Variants in SCART1 observed in about 807,000 individuals in gnomAD.
The protein encoded by SCART1 is scavenger receptor family member expressed on T cells 1.
In SCART1, 62 loss-of-function variants were observed where a neutral mutation model predicts 36.2. The ratio of observed to expected loss-of-function variants is 1.71; its 90% CI spans 1.40 to 2.12. The LOEUF is 2.12. SCART1 is among the 30% of genes most tolerant of loss of function. The probability of loss-of-function intolerance (pLI) is 0.00; values close to 1 mark genes in which losing one functional copy is unlikely to be tolerated. For synonymous variants in SCART1, 487 were observed against 238.7 expected (o/e 2.04, Z -9.59); for missense variants, 1,041 against 540.5 (o/e 1.93, Z -9.18).
chr10:133,456,425 G>C lies in SCART1; in HGVS notation c.256G>C (p.Glu86Gln), dbSNP rs1218279314. ...CCCCAAGTATGTCCCGCTGCCTGGA[G>C]AGATGGCCCAGCCCTGGCTTCACAA... is the stretch of plus-strand genomic sequence containing the variant. Residue 86 changes from glutamate (E) to glutamine (Q), a missense_variant, in exon 2 of 12, where the codon GAG becomes CAG. Glu to Gln is a conservative substitution (Grantham distance 29, BLOSUM62 2). Transcript: ENST00000640237. 5 of 702,752 alleles carry C rather than the reference G, an allele frequency of 7.1e-6. No individual in the cohort carries two copies. In the African/African-American group the frequency reaches 8.7e-5, roughly 12 times the overall value. The allele number at this position is 702,752 out of a possible 1,614,324, so 43.5% of individuals were successfully genotyped here.
At chr10:133,465,055 G>C (rs112831266) in intron 7 of SCART1, 51 bp from the exon 8 acceptor site, 41 of 702,358 alleles carry the variant, frequency 5.8e-5, no homozygotes, top group African/African-American at 5.6e-4. Context: ...AGCCTTCCTT[G>C]TGAAGCTTCT....
rs369857020 is a variant in SCART1, at chr10:133,467,761, G to A, written c.2963-86G>A. On this transcript the variant is annotated intron_variant, in intron 11 of 11. Coordinates refer to ENST00000640237, the Ensembl canonical transcript of SCART1. ...TGCTTTCTGGTTGACATGTTTATGC[G>A]TTCCTGTCTTACGGGCTTTGCCAAA... 4.0e-5 allele frequency: 23 copies of A among 571,718 alleles called. No individual in the cohort carries two copies. In the East Asian group the frequency reaches 4.3e-4, roughly 11 times the overall value. 35.4% of individuals were successfully genotyped at this position (571,718 alleles called of 1,614,324 possible). A position where few individuals can be genotyped will look rare whatever the true frequency, so the allele number is the denominator to read the frequency against.
At chr10:133,458,444 C>G (rs1163280357) in exon 4 of SCART1, 6 of 698,688 alleles carry the variant, frequency 8.6e-6, no homozygotes, top group Admixed American at 2.0e-5. Context: ...TGTGATGCGG[C>G]CCTGGACCTG....
chr10:133,456,269 C>A (rs1850609324), exon 2 of SCART1: 1 of 702,716 alleles, frequency 1.4e-6, no homozygotes, highest in South Asian at 1.5e-5. Context: ...GGCGTACAGA[C>A]ACAGCACGTG....
exon 11 of SCART1, chr10:133,467,295 G>A: frequency 1.4e-6 from 1 of 703,070 alleles, no homozygotes; most frequent in Non-Finnish European, 2.6e-6. Context: ...TGGAGGCCGA[G>A]GCTGTGCTCC....
intron 1 of SCART1, among the ~76,000 whole-genome samples, chr10:133,455,187 A>G (rs970010303): frequency 1.3e-5 from 2 of 152,194 alleles, no homozygotes; most frequent in Non-Finnish European, 2.9e-5. Context: ...GAATCAGTTC[A>G]ACCCTGGAGG....
intron 10 of SCART1, chr10:133,466,961 A>G (rs529452340): frequency 6.0e-5 from 26 of 435,312 alleles, no homozygotes; most frequent in African/African-American, 4.6e-4. Flanking sequence ...AGGTTCCCCC[A>G]GGCAGCACAT....
chr10:133,457,421 C>T (rs1253645323), exon 3 of SCART1: 8 of 702,030 alleles, frequency 1.1e-5, no homozygotes, highest in Admixed American at 4.0e-5. Context: ...AGCTGGGGTG[C>T]GGCCCTGTGC....
At chr10:133,459,925 G>A (rs558163911) in exon 6 of SCART1, 7 of 541,998 alleles carry the variant, frequency 1.3e-5, no homozygotes, top group African/African-American at 2.0e-5. Flanking sequence ...CTGCACGGGG[G>A]CGCGTGGGGC....
chr10:133,463,504 C>CTT (rs34222160), intron 6 of SCART1, among the ~76,000 whole-genome samples: 1,279 of 125,692 alleles, frequency 0.01, 29 homozygotes, highest in African/African-American at 0.015. Context: ...ACGTATTTGA[C>CTT]TTTTTTTTTT....
At chr10:133,458,299 C>G in intron 3 of SCART1, 61 bp from the exon 4 acceptor site, 1 of 702,214 alleles carries the variant, frequency 1.4e-6, no homozygotes, top group Non-Finnish European at 2.6e-6. Flanking sequence ...GTCTGAGGCT[C>G]AGGGCCAGGC....
chr10:133,466,131 C>A (rs773755500), intron 9 of SCART1, 104 bp from the exon 10 acceptor site: 3 of 639,374 alleles, frequency 4.7e-6, no homozygotes, highest in Non-Finnish European at 8.4e-6. Context: ...GCAGGTCCTC[C>A]ATGAGGGAGA....
At chr10:133,468,095 T>C in exon 12 of SCART1, 1 of 566,848 alleles carries the variant, frequency 1.8e-6, no homozygotes. Context: ...TCCATGTCCA[T>C]GTAAAATCCA....
exon 12 of SCART1, chr10:133,467,870 C>T: frequency 7.2e-6 from 5 of 693,600 alleles, no homozygotes; most frequent in Non-Finnish European, 1.3e-5. Flanking sequence ...GTCTAACCTC[C>T]TGGAGGGACA....
At chr10:133,468,786 C>A (rs943017509) in exon 12 of SCART1, 1 of 152,066 alleles carries the variant, frequency 6.6e-6, no homozygotes, top group Non-Finnish European at 1.5e-5. Flanking sequence ...AACAAACTTA[C>A]CTTTATCATG....
At chr10:133,454,564 A>G (rs1479147941) in intron 1 of SCART1, among the ~76,000 whole-genome samples, 1 of 152,042 alleles carries the variant, frequency 6.6e-6, no homozygotes, top group Non-Finnish European at 1.5e-5. Context: ...AGGGAGGTGT[A>G]GAGAGGGGGG....
chr10:133,468,048 G>A (rs771755442), exon 12 of SCART1: 15 of 607,506 alleles, frequency 2.5e-5, no homozygotes, highest in Non-Finnish European at 3.6e-5. Context: ...AGTGGATTTC[G>A]TGAGAACACC....
exon 6 of SCART1, chr10:133,459,834 C>T: frequency 1.7e-6 from 1 of 572,884 alleles, no homozygotes; most frequent in Non-Finnish European, 3.1e-6. Context: ...CCCCATGGCC[C>T]GTCGCCACGG....
chr10:133,457,938 G>C (rs990589609), intron 3 of SCART1: 6 of 511,064 alleles, frequency 1.2e-5, no homozygotes, highest in Admixed American at 6.6e-5. Context: ...AGCTGCACTG[G>C]CCTCACAGCT....
Sources: allele counts gnomAD v4.1 joint callset (sites outside exome capture counted in the v4.1 genomes callset), GRCh38; gene constraint gnomAD v4.1.1; transcripts MANE v1.5; gene names NCBI Gene and HGNC (gene_info 2026-07-23, HGNC 2026-07-21).